BCL2L13: variants seen among roughly 807,000 people sequenced by gnomAD.
BCL2L13 encodes bcl-2-like protein 13.
BCL2L13 carries 13 observed loss-of-function variants against 25.8 expected under a neutral mutation model. That is an observed-to-expected ratio of 0.50 (90% CI 0.33 to 0.80). The LOEUF is 0.80. Among genes scored for constraint, BCL2L13 ranks in the 30% least tolerant of loss-of-function variants. BCL2L13 has a pLI of 0.02. For synonymous variants in BCL2L13, 244 were observed against 230.3 expected (o/e 1.06, Z -0.54); for missense variants, 504 against 574.9 (o/e 0.88, Z 1.26).
chr22:17,661,921 G>A (rs2059078455), intron 2 of BCL2L13, among the ~76,000 whole-genome samples: 1 of 151,526 alleles, frequency 6.6e-6, no homozygotes, highest in Non-Finnish European at 1.5e-5. Flanking sequence ...AACCCGGGAG[G>A]TGGAGGTTGT....
At chr22:17,716,315 A>G (rs1407141623) in intron 6 of BCL2L13, among the ~76,000 whole-genome samples, 1 of 152,230 alleles carries the variant, frequency 6.6e-6, no homozygotes, top group Non-Finnish European at 1.5e-5. Flanking sequence ...TTTGTGTGAA[A>G]GCACAGTTTT....
chr22:17,649,101 A>G (rs1420229101), intron 1 of BCL2L13, among the ~76,000 whole-genome samples: 2 of 142,598 alleles, frequency 1.4e-5, no homozygotes, highest in African/African-American at 2.6e-5. Context: ...GCCCGGCTCA[A>G]TTTTTTTTTT....
intron 3 of BCL2L13, 50 bp downstream of exon 3, chr22:17,683,371 G>A (rs777175050): frequency 9.1e-7 from 1 of 1,100,006 alleles, no homozygotes; most frequent in South Asian, 1.4e-5. Flanking sequence ...TGTTTGTTAT[G>A]GTTTACTGTT....
intron 2 of BCL2L13, among the ~76,000 whole-genome samples, chr22:17,682,372 AAG>A (rs1339874193): frequency 6.6e-6 from 1 of 152,166 alleles, no homozygotes; most frequent in Non-Finnish European, 1.5e-5. Flanking sequence ...GAAGAAAAGA[AAG>A]AAAATTACAA....
At chr22:17,706,801 G>A (rs2060605687) in intron 6 of BCL2L13, 1 of 1,351,954 alleles carries the variant, frequency 7.4e-7, no homozygotes, top group African/African-American at 1.5e-5. Flanking sequence ...CTGTCTCCTG[G>A]AAAGGGCAGA....
In BCL2L13 at chr22:17,657,819, A is replaced by ATTCCTT. The variant is rs1601544763; in HGVS notation, c.121+1989_121+1990insCCTTTT. 6.5e-5 allele frequency among the ~76,000 whole-genome samples: 3 copies of ATTCCTT among 46,246 alleles called. No individual in the cohort carries two copies. In the East Asian group the frequency reaches 3.6e-3, roughly 56 times the overall value. 30.3% of individuals were successfully genotyped at this position (46,246 alleles called of 152,430 possible). Reference sequence around the variant, plus strand: ...GCGTGAGCCACCACACCTGGTTGACATTTCTTTTTTTTTTTTTTTTTTTTT... The same window carrying ATTCCTT: ...GCGTGAGCCACCACACCTGGTTGACATTCCTTTTTCTTTTTTTTTTTTTTTTTTTTT... On this transcript the variant is annotated intron_variant, in intron 2 of 6. Transcript: ENST00000317582.
chr22:17,696,218 C>T lies in BCL2L13; in HGVS notation c.456+8C>T, dbSNP rs774217870. 6 of 1,609,910 alleles carry T rather than the reference C, an allele frequency of 3.7e-6. No homozygotes were observed. Among genetic ancestry groups the T allele is most frequent in the Non-Finnish European group, 5.1e-6 (6 of 1,176,292 alleles). ...GCCAGCGGCTGGAATAAGGTATCAT[C>T]ACAATGATCTTTTCTCTTAAAAGAT... On this transcript the variant is annotated splice_region_variant and intron_variant, in intron 5 of 6. Coordinates refer to ENST00000317582, the MANE Select transcript of BCL2L13 (RefSeq NM_015367.4).
chr22:17,718,461 A>G (rs936398830), intron 6 of BCL2L13, among the ~76,000 whole-genome samples: 6 of 152,220 alleles, frequency 3.9e-5, no homozygotes, highest in Non-Finnish European at 8.8e-5. Flanking sequence ...GTTGATGGAT[A>G]TATAGACTTT....
intron 2 of BCL2L13, among the ~76,000 whole-genome samples, chr22:17,669,022 GTTTC>G (rs1221458906): frequency 8.3e-6 from 1 of 120,446 alleles, no homozygotes; most frequent in African/African-American, 3.0e-5. Context: ...TTTGGCTCCT[GTTTC>G]TTTCTTTTTT....
chr22:17,656,635 C>A (rs1020472637), intron 2 of BCL2L13, among the ~76,000 whole-genome samples: 1 of 151,892 alleles, frequency 6.6e-6, no homozygotes, highest in Non-Finnish European at 1.5e-5. Flanking sequence ...GTGTGAGCCA[C>A]GGCGCCCAAC....
At chr22:17,686,799 G>A (rs2059955698) in intron 3 of BCL2L13, among the ~76,000 whole-genome samples, 1 of 152,138 alleles carries the variant, frequency 6.6e-6, no homozygotes, top group African/African-American at 2.4e-5. Context: ...GTGAAACACT[G>A]TGCCCGACCA....
chr22:17,711,514 G>C (rs2060761515), intron 6 of BCL2L13, among the ~76,000 whole-genome samples: 1 of 151,936 alleles, frequency 6.6e-6, no homozygotes, highest in South Asian at 2.1e-4. Context: ...GCCCAGGCTG[G>C]TCACAAAATC....
intron 2 of BCL2L13, among the ~76,000 whole-genome samples, chr22:17,656,332 A>ATTTTTTTT (rs1568935138): frequency 1.4e-5 from 1 of 70,474 alleles, no homozygotes; most frequent in African/African-American, 6.0e-5. Context: ...TTTTCATTTT[A>ATTTTTTTT]TTCTTTTTTT....
At position 17,702,268 on chromosome 22, in the gene BCL2L13, G is replaced by T; in HGVS notation, c.482G>T (p.Arg161Leu). The T allele has an allele frequency of 6.2e-7, 1 of 1,607,964 alleles. No individual in the cohort carries two copies. Among genetic ancestry groups the T allele is most frequent in the Non-Finnish European group, 8.5e-7 (1 of 1,177,586 alleles). The change falls in exon 6 of 7, where the codon CGA becomes CTA. Residue 161 changes from arginine (R) to leucine (L), a missense_variant. Arg to Leu is a moderately radical substitution (Grantham distance 102, BLOSUM62 -2). Coordinates refer to ENST00000317582, the MANE Select transcript of BCL2L13 (RefSeq NM_015367.4). ...NKILVPLVLLRQMLLELTRRG... is the reference protein window; with the variant it reads ...NKILVPLVLLLQMLLELTRRG... ...ATTTTGGTGCCTCTGGTTTTGCTAC[G>T]ACAAATGCTTTTGGAATTGACAAGA...
intron 1 of BCL2L13, chr22:17,629,018 ATG>A (rs1380212425): frequency 8.5e-6 from 2 of 235,878 alleles, no homozygotes; most frequent in East Asian, 1.8e-4. Flanking sequence ...ATATTGGAGA[ATG>A]TGCCTTTATT....
At chr22:17,662,149 T>G (rs1392986823) in intron 2 of BCL2L13, among the ~76,000 whole-genome samples, 2 of 152,154 alleles carry the variant, frequency 1.3e-5, no homozygotes, top group Non-Finnish European at 2.9e-5. Context: ...ATATTTCCTT[T>G]AAACAAATAA....
intron 1 of BCL2L13, among the ~76,000 whole-genome samples, chr22:17,633,229 C>T (rs1339222093): frequency 2.0e-5 from 3 of 152,140 alleles, no homozygotes; most frequent in Admixed American, 2.0e-4. Flanking sequence ...TTTTGCAGCA[C>T]CCACTTCTCC....
chr22:17,646,979 T>C (rs1280885960), intron 1 of BCL2L13, among the ~76,000 whole-genome samples: 1 of 105,536 alleles, frequency 9.5e-6, no homozygotes, highest in African/African-American at 3.6e-5. Context: ...TTTTTTTTTT[T>C]CTTTTTCTTT....
At chr22:17,671,531 A>G (rs918754512) in intron 2 of BCL2L13, among the ~76,000 whole-genome samples, 4 of 149,910 alleles carry the variant, frequency 2.7e-5, no homozygotes, top group Non-Finnish European at 5.9e-5. Context: ...CGCGCCATGC[A>G]CTCCATTCTG....
Sources: gnomAD v4.1 joint callset for allele counts (sites outside exome capture counted in the v4.1 genomes callset) on GRCh38, gnomAD v4.1.1 for gene constraint, MANE v1.5 for transcripts, NCBI Gene and HGNC (gene_info 2026-07-23, HGNC 2026-07-21) for gene names.